The following PCDHGB6 variants were observed in gnomAD, a reference collection of about 807,000 sequenced individuals.
The protein encoded by PCDHGB6 is protocadherin gamma subfamily B, 6, also known as protocadherin gamma-B6.
A neutral mutation model predicts 59.1 loss-of-function variants in PCDHGB6; 51 were observed. The ratio of observed to expected loss-of-function variants is 0.86; its 90% confidence interval spans 0.69 to 1.09. The LOEUF is 1.09. Among genes scored for constraint, PCDHGB6 ranks in the 50% least tolerant of loss-of-function variants. The pLI, the probability that PCDHGB6 is intolerant of heterozygous loss-of-function variation, is 0.00. For synonymous variants in PCDHGB6, 466 were observed against 495.1 expected, an observed-to-expected ratio of 0.94 and a Z score of 0.78; for missense variants, 1,148 against 1,205.1, an observed-to-expected ratio of 0.95 and a Z score of 0.70.
chr5:141,446,532 A>G (rs1443843436), intron 1 of PCDHGB6, among the ~76,000 whole-genome samples: 1 of 151,788 alleles, frequency 6.6e-6, no homozygotes, highest in Non-Finnish European at 1.5e-5. Flanking sequence ...GCTGGAGTGC[A>G]GTGGCCCTAT....
intron 1 of PCDHGB6, chr5:141,419,208 C>T: frequency 6.2e-7 from 1 of 1,613,966 alleles, no homozygotes; most frequent in Non-Finnish European, 8.5e-7. Flanking sequence ...GACAACGCGC[C>T]GGTTTTCGGA....
chr5:141,417,995 G>A (rs779307855), intron 1 of PCDHGB6: 74 of 1,613,786 alleles, frequency 4.6e-5, no homozygotes, highest in Admixed American at 1.7e-4. Flanking sequence ...CAAGGGCTCG[G>A]TGGTGGGGAA....
rs191188858 is a variant in PCDHGB6, at chr5:141,472,077, A to G, written c.2419-22730A>G. On this transcript the variant is annotated intron_variant, in intron 1 of 3. Transcript: ENST00000520790. ...GATTGACATGTCTGTGGTTATATCA[A>G]TGAGTACTATTATTATTCCCATTTT... 2.4e-3 allele frequency among the ~76,000 whole-genome samples: 365 copies of G among 152,346 alleles called. 2 individuals carry two copies. Among genetic ancestry groups the G allele is most frequent in the African/African-American group, 8.4e-3 (351 of 41,580 alleles).
chr5:141,419,981 A>C, intron 1 of PCDHGB6: 2 of 1,614,052 alleles, frequency 1.2e-6, no homozygotes, highest in Non-Finnish European at 1.7e-6. Context: ...CCTCGCGGTG[A>C]TTCTAGCTAT....
chr5:141,445,388 A>G (rs2098465525), intron 1 of PCDHGB6, among the ~76,000 whole-genome samples: 2 of 152,212 alleles, frequency 1.3e-5, no homozygotes, highest in African/African-American at 4.8e-5. Flanking sequence ...TCATTCATTT[A>G]CATAACAAAT....
intron 1 of PCDHGB6, chr5:141,413,804 CCATTCACCACCTGGTCCTCA>C: frequency 1.2e-6 from 2 of 1,613,194 alleles, no homozygotes; most frequent in Non-Finnish European, 1.7e-6. Flanking sequence ...GAGGAAGAGG[CCATTCACCACCTGGTCCTCA>C]CCGCCTCCGA....
At chr5:141,424,936 C>G (rs1160449329) in intron 1 of PCDHGB6, among the ~76,000 whole-genome samples, 1 of 152,182 alleles carries the variant, frequency 6.6e-6, no homozygotes, top group Non-Finnish European at 1.5e-5. Flanking sequence ...AGTCAACACT[C>G]TCACATCACT....
In PCDHGB6 at chr5:141,423,069, G is replaced by A. The variant is rs1364397726; in HGVS notation, c.2418+12449G>A. ...CCTATCGCCTGCTTAAGGCCAGCGA[G>A]CCGGGACTCTTCGCGGTGGGGGAGC... On this transcript the variant is annotated intron_variant, in intron 1 of 3. Transcript: ENST00000520790. 8 of 1,614,034 alleles carry A rather than the reference G, an allele frequency of 5.0e-6. No homozygotes were observed. In the African/African-American group the frequency reaches 1.1e-4, roughly 22 times the overall value.
In PCDHGB6 at chr5:141,430,383, GAA is replaced by G. The variant is rs139772145; in HGVS notation, c.2418+19775_2418+19776del. Among the ~76,000 whole-genome samples the G allele has an allele frequency of 1.3e-3, 180 of 138,574 alleles. 1 individual carries two copies. Among genetic ancestry groups the G allele is most frequent in the African/African-American group, 4.5e-3 (169 of 37,858 alleles). 90.9% of individuals were successfully genotyped at this position (138,574 alleles called of 152,430 possible). A position where few individuals can be genotyped will look rare whatever the true frequency, so the allele number is the denominator to read the frequency against. On this transcript the variant is annotated intron_variant, in intron 1 of 3. Coordinates refer to ENST00000520790, the MANE Select transcript of PCDHGB6 (RefSeq NM_018926.3). ...CATTGGGGAAAAAAAAGCTCATTGG[GAA>G]AAAAAAAAAAAGCTCACTAAAGTTT...
At chr5:141,418,539 A>G (rs984639830) in intron 1 of PCDHGB6, 14 of 1,614,034 alleles carry the variant, frequency 8.7e-6, no homozygotes, top group Non-Finnish European at 1.0e-5. Context: ...GGTACTGCTC[A>G]GATAAGAATC....
At chr5:141,464,343 A>T (rs944042669) in intron 1 of PCDHGB6, among the ~76,000 whole-genome samples, 1 of 151,308 alleles carries the variant, frequency 6.6e-6, no homozygotes, top group South Asian at 2.1e-4. Flanking sequence ...ATGACTTGTC[A>T]TTTAGGTAGT....
chr5:141,435,108 G>A lies in PCDHGB6; in HGVS notation c.2418+24488G>A, dbSNP rs1027955145. ...AACTGATCTGTTTATCTAGGGGGGA[G>A]AAATCTAATTCAATGGAAAATATAA... On this transcript the variant is annotated intron_variant, in intron 1 of 3. Transcript: ENST00000520790. Among the ~76,000 whole-genome samples, 3 of 152,144 alleles carry A rather than the reference G, an allele frequency of 2.0e-5. No homozygotes were observed. In the South Asian group the frequency reaches 6.2e-4, roughly 32 times the overall value.
Position 141,415,188 on chromosome 5 carries a change from C to G in PCDHGB6, c.2418+4568C>G, listed in dbSNP as rs2095841560. On this transcript the variant is annotated intron_variant, in intron 1 of 3. Coordinates refer to ENST00000520790, the MANE Select transcript of PCDHGB6 (RefSeq NM_018926.3). Reference sequence around the variant, plus strand: ...CGCTCACCGTGGCCGTGGCCGACAGCATCCCCCAAGTCCTGGCGGACCTCG... The same window carrying G: ...CGCTCACCGTGGCCGTGGCCGACAGGATCCCCCAAGTCCTGGCGGACCTCG... 3 of 1,614,006 alleles carry G rather than the reference C, an allele frequency of 1.9e-6. No homozygotes were observed. The East Asian group carries it at 6.7e-5, about 36-fold the overall frequency.
At chr5:141,452,879 A>C (rs1389712789) in intron 1 of PCDHGB6, among the ~76,000 whole-genome samples, 1 of 152,200 alleles carries the variant, frequency 6.6e-6, no homozygotes, top group Admixed American at 6.5e-5. Context: ...CATTTGTAAT[A>C]ATTTATTCCA....
At chr5:141,472,058 C>T (rs149583469) in intron 1 of PCDHGB6, among the ~76,000 whole-genome samples, 114 of 152,176 alleles carry the variant, frequency 7.5e-4, no homozygotes, top group African/African-American at 2.6e-3. Context: ...AAATGATTGA[C>T]ATGTCTGTGG....
intron 2 of PCDHGB6, among the ~76,000 whole-genome samples, chr5:141,502,988 C>A (rs1285178746): frequency 6.7e-6 from 1 of 150,346 alleles, no homozygotes; most frequent in Non-Finnish European, 1.5e-5. Flanking sequence ...GGATTACAGG[C>A]GTGTGCCACC....
chr5:141,418,254 A>T (rs1217236221), intron 1 of PCDHGB6: 2 of 1,613,904 alleles, frequency 1.2e-6, no homozygotes, highest in African/African-American at 2.7e-5. Flanking sequence ...CACGCCCCTC[A>T]ATTCCGGAAA....
intron 1 of PCDHGB6, chr5:141,415,744 T>TTTG (rs2095926305): frequency 2.5e-6 from 1 of 404,416 alleles, no homozygotes; most frequent in South Asian, 6.6e-5. Context: ...ATTAAGGTTT[T>TTTG]TTTTTTTTTT....
chr5:141,418,998 G>A (rs757681244), intron 1 of PCDHGB6: 4 of 1,613,940 alleles, frequency 2.5e-6, no homozygotes, highest in South Asian at 2.2e-5. Context: ...GGGGAAAATG[G>A]GGAAGTCAGG....
Sources: allele counts gnomAD v4.1 joint callset (sites outside exome capture counted in the v4.1 genomes callset), GRCh38; gene constraint gnomAD v4.1.1; transcripts MANE v1.5; gene names NCBI Gene and HGNC (gene_info 2026-07-23, HGNC 2026-07-21).